APAF1: variants seen among roughly 807,000 people sequenced by gnomAD.
APAF1 encodes apoptotic peptidase activating factor 1.
A neutral mutation model predicts 152.4 loss-of-function variants in APAF1; 91 were observed. That is an observed-to-expected ratio of 0.60 (90% CI 0.50 to 0.71). The LOEUF is 0.71. Among genes scored for constraint, APAF1 ranks in the 30% least tolerant of loss-of-function variants. The pLI, the probability that APAF1 is intolerant of heterozygous loss-of-function variation, is 0.00. For synonymous variants in APAF1, 484 were observed against 494.1 expected (o/e 0.98, Z 0.27); for missense variants, 1,283 against 1,472.0 (o/e 0.87, Z 2.10).
intron 1 of APAF1, among the ~76,000 whole-genome samples, chr12:98,647,356 A>G (rs1207321595): frequency 6.6e-6 from 1 of 151,768 alleles, no homozygotes; most frequent in African/African-American, 2.4e-5. Flanking sequence ...ACGTCTATAT[A>G]TATTCATATG....
intron 1 of APAF1, among the ~76,000 whole-genome samples, chr12:98,646,744 GC>G (rs1178105408): frequency 6.6e-6 from 1 of 152,148 alleles, no homozygotes; most frequent in Non-Finnish European, 1.5e-5. Context: ...TTGAAAACTT[GC>G]AGATATTGTG....
In APAF1 at chr12:98,727,309, A is replaced by G. The variant is rs1271853699; in HGVS notation, c.3593A>G (p.Tyr1198Cys). Residue 1198 changes from tyrosine (Y) to cysteine (C), a missense_variant, in exon 26 of 27, where the codon TAT (tyrosine) becomes TGT (cysteine). Transcript: ENST00000551964. Reference sequence around the variant, plus strand: ...AAAATGCTTATCTCTGCTGGAGGATATATTAAGGTAAGAGTTCCCCAAGAA... The same window carrying G: ...AAAATGCTTATCTCTGCTGGAGGATGTATTAAGGTAAGAGTTCCCCAAGAA... ...DGKMLISAGG[Y>C]IKWWNVVTGE... 7 of 1,613,978 alleles carry G rather than the reference A, an allele frequency of 4.3e-6. No individual in the cohort carries two copies. Among genetic ancestry groups the G allele is most frequent in the Non-Finnish European group, 5.1e-6 (6 of 1,180,002 alleles).
At chr12:98,726,843 T>C (rs568270389) in intron 25 of APAF1, 4 of 262,896 alleles carry the variant, frequency 1.5e-5, no homozygotes, top group Middle Eastern at 1.4e-3. Flanking sequence ...ATGTACTACC[T>C]TACTGAACTG....
chr12:98,708,441 A>G (rs1393561870), intron 19 of APAF1, 144 bp from the exon 20 acceptor site: 3 of 868,438 alleles, frequency 3.5e-6, no homozygotes, highest in Admixed American at 2.7e-5. Context: ...TGTGTTAGTA[A>G]ATATTTATTT....
chr12:98,647,300 T>C (rs1377246483), intron 1 of APAF1, among the ~76,000 whole-genome samples: 1 of 150,966 alleles, frequency 6.6e-6, no homozygotes, highest in Non-Finnish European at 1.5e-5. Flanking sequence ...ATCCCAAATT[T>C]TGCTACTCAG....
intron 20 of APAF1, among the ~76,000 whole-genome samples, chr12:98,711,110 C>G (rs2097727506): frequency 6.6e-6 from 1 of 152,192 alleles, no homozygotes; most frequent in South Asian, 2.1e-4. Context: ...CACAGTACTT[C>G]TGGGGTGAAT....
chr12:98,708,850 A>T, intron 20 of APAF1, 146 bp downstream of exon 20: 3 of 740,030 alleles, frequency 4.1e-6, no homozygotes, highest in Non-Finnish European at 6.5e-6. Context: ...AATATATATA[A>T]GTCTTGAGCT....
At chr12:98,710,334 A>G (rs2097726593) in intron 20 of APAF1, among the ~76,000 whole-genome samples, 1 of 152,118 alleles carries the variant, frequency 6.6e-6, no homozygotes, top group Admixed American at 6.5e-5. Flanking sequence ...TTCTAGGGAA[A>G]GGTTTTGGCA....
chr12:98,685,568 C>T (rs1438550832), intron 15 of APAF1, among the ~76,000 whole-genome samples: 1 of 152,068 alleles, frequency 6.6e-6, no homozygotes, highest in Non-Finnish European at 1.5e-5. Flanking sequence ...ATCTCCTGAT[C>T]TTGTGATCGC....
Position 98,666,210 on chromosome 12 carries a change from C to T in APAF1, c.1215C>T (p.Asp405=), listed in dbSNP as rs1324313896. ...VPTKVLCILW[D]METEEVEDIL... is the part of the protein sequence containing the mutation. Reference sequence around the variant, plus strand: ...CCTAGGTGTTATGTATTCTCTGGGACATGGAAACTGAAGAAGTTGAAGACA... The same window carrying T: ...CCTAGGTGTTATGTATTCTCTGGGATATGGAAACTGAAGAAGTTGAAGACA... Residue 405 remains aspartate (D), a synonymous_variant, in exon 9 of 27, where the codon GAC becomes GAT. Transcript: ENST00000551964. 1 of 1,613,782 alleles carries T rather than the reference C, an allele frequency of 6.2e-7. No individual in the cohort carries two copies. The highest frequency in any genetic ancestry group is 2.2e-5 in the East Asian group (1 of 44,842).
At chr12:98,694,121 A>G (rs950642637) in intron 16 of APAF1, among the ~76,000 whole-genome samples, 3 of 152,224 alleles carry the variant, frequency 2.0e-5, no homozygotes, top group African/African-American at 7.2e-5. Flanking sequence ...ACATGTAAAA[A>G]TTAAAGATGG....
At chr12:98,678,861 G>GGA (rs1340265010) in intron 13 of APAF1, among the ~76,000 whole-genome samples, 4 of 152,212 alleles carry the variant, frequency 2.6e-5, no homozygotes, top group Non-Finnish European at 5.9e-5. Context: ...TCCGGACTTT[G>GGA]GGTGCTGATG....
Position 98,734,417 on chromosome 12 carries a change from A to G in APAF1, c.*1851A>G, listed in dbSNP as rs916506266. The G allele has an allele frequency of 1.3e-5, 2 of 152,256 alleles. No homozygotes were observed. Among genetic ancestry groups the G allele is most frequent in the African/African-American group, 4.8e-5 (2 of 41,464 alleles). The allele number at this position is 152,256 out of a possible 1,614,324, so 9.4% of individuals were successfully genotyped here. A position where few individuals can be genotyped will look rare whatever the true frequency, so the allele number is the denominator to read the frequency against. On this transcript the variant is annotated 3_prime_UTR_variant, in exon 27 of 27. Coordinates refer to ENST00000551964, the MANE Select transcript of APAF1 (RefSeq NM_181861.2). Reference sequence around the variant, plus strand: ...TTAAGGGCAATGGAGATAAATTAATAGTAGATGTGGTTCCCAGAAAATATA... The same window carrying G: ...TTAAGGGCAATGGAGATAAATTAATGGTAGATGTGGTTCCCAGAAAATATA...
chr12:98,702,473 CATCTT>C (rs1400956209), intron 17 of APAF1, among the ~76,000 whole-genome samples: 1 of 152,040 alleles, frequency 6.6e-6, no homozygotes, highest in African/African-American at 2.4e-5. Context: ...AAATAAAAAT[CATCTT>C]ATTTGGCAAA....
chr12:98,692,528 A>T (rs2097705445), intron 16 of APAF1, among the ~76,000 whole-genome samples: 2 of 152,174 alleles, frequency 1.3e-5, no homozygotes, highest in South Asian at 4.1e-4. Flanking sequence ...CATAGTACCC[A>T]ATAGGTGCCT....
At chr12:98,703,329 A>G (rs755859380) in intron 17 of APAF1, 42 bp from the exon 18 acceptor site, 1 of 1,607,622 alleles carries the variant, frequency 6.2e-7, no homozygotes, top group Admixed American at 1.7e-5. Context: ...CTTATCTCTT[A>G]AAGTATTTTA....
chr12:98,698,842 C>T (rs1426094227), intron 16 of APAF1, among the ~76,000 whole-genome samples: 1 of 152,220 alleles, frequency 6.6e-6, no homozygotes, highest in Non-Finnish European at 1.5e-5. Context: ...GCAAAGTTTA[C>T]AGTATTTTGT....
At position 98,677,568 on chromosome 12, in the gene APAF1, G is replaced by A. The variant is rs1261731104; in HGVS notation, c.1920+17G>A. ...ACCTTACAGGTAAAACACATCTCTT[G>A]AGAAAAATGCAAAGAGGCATGTATC... On this transcript the variant is annotated intron_variant, in intron 13 of 26. Transcript: ENST00000551964. 2 of 1,613,922 alleles carry A rather than the reference G, an allele frequency of 1.2e-6. No homozygotes were observed. Among genetic ancestry groups the A allele is most frequent in the Non-Finnish European group, 8.5e-7 (1 of 1,179,996 alleles).
At chr12:98,659,444 T>C in intron 5 of APAF1, 101 bp downstream of exon 5, 1 of 1,270,466 alleles carries the variant, frequency 7.9e-7, no homozygotes, top group Non-Finnish European at 1.1e-6. Context: ...TGCTGTTCTA[T>C]AGGGAGGATA....
Sources: allele counts gnomAD v4.1 joint callset (sites outside exome capture counted in the v4.1 genomes callset), GRCh38; gene constraint gnomAD v4.1.1; transcripts MANE v1.5; gene names NCBI Gene and HGNC (gene_info 2026-07-23, HGNC 2026-07-21).